Variants in SACS observed in about 807,000 individuals in gnomAD.
SACS encodes the protein sacsin molecular chaperone.
SACS carries 197 observed loss-of-function variants against 348.0 expected under a neutral mutation model. That is an observed-to-expected ratio of 0.57 (90% CI 0.50 to 0.64). The LOEUF is 0.64. SACS is among the 30% of genes least tolerant of loss of function. The pLI is 0.00. For missense variants in SACS, 4,999 were observed against 5,360.8 expected (o/e 0.93, Z 2.11); for synonymous variants, 1,985 against 1,910.6 (o/e 1.04, Z -1.02).
At chr13:23,395,576 G>C (rs1872683060) in intron 2 of SACS, among the ~76,000 whole-genome samples, 1 of 151,132 alleles carries the variant, frequency 6.6e-6, no homozygotes, top group Admixed American at 6.6e-5. Flanking sequence ...TCCCACTCAA[G>C]CCTCCCACCT....
chr13:23,350,818 T>A (rs1176810238), intron 9 of SACS, among the ~76,000 whole-genome samples: 1 of 152,128 alleles, frequency 6.6e-6, no homozygotes, highest in Non-Finnish European at 1.5e-5. Flanking sequence ...ATAGGCCCCA[T>A]ACCACCAGAA....
At chr13:23,409,148 CCAGCTTCA>C (rs1232862926) in intron 2 of SACS, among the ~76,000 whole-genome samples, 1 of 133,046 alleles carries the variant, frequency 7.5e-6, no homozygotes, top group African/African-American at 2.8e-5. Flanking sequence ...GCTCCGCCTC[CCAGCTTCA>C]CACCATTCTC....
chr13:23,417,364 G>A (rs1873728029), intron 1 of SACS, among the ~76,000 whole-genome samples: 1 of 152,146 alleles, frequency 6.6e-6, no homozygotes, highest in African/African-American at 2.4e-5. Flanking sequence ...AAGAAGAAGA[G>A]GGAAGACTTG....
intron 6 of SACS, among the ~76,000 whole-genome samples, chr13:23,363,639 C>A (rs547886870): frequency 1.3e-5 from 2 of 152,298 alleles, no homozygotes; most frequent in African/African-American, 4.8e-5. Flanking sequence ...GAAGTCAAGG[C>A]TAGAAGCAAA....
At chr13:23,395,583 AC>A (rs1872683507) in intron 2 of SACS, among the ~76,000 whole-genome samples, 1 of 142,942 alleles carries the variant, frequency 7.0e-6, no homozygotes. Context: ...CAAGCCTCCC[AC>A]CTCCCTACAA....
At chr13:23,377,064 T>C (rs570820854) in intron 2 of SACS, among the ~76,000 whole-genome samples, 142 of 152,280 alleles carry the variant, frequency 9.3e-4, no homozygotes, top group Non-Finnish European at 1.7e-3. Flanking sequence ...TGTTGTATGA[T>C]TCCATTTATA....
chr13:23,400,451 C>T (rs181415849), intron 2 of SACS, among the ~76,000 whole-genome samples: 4 of 152,168 alleles, frequency 2.6e-5, no homozygotes, highest in Admixed American at 6.5e-5. Context: ...GAAGGGGTCT[C>T]GCTCTGTCAC....
Position 23,337,329 on chromosome 13 carries a change from G to C in SACS, c.6547C>G (p.Leu2183Val). The change falls in exon 10 of 10, where the codon CTA (leucine) becomes GTA (valine). Residue 2183 changes from leucine to valine, a missense_variant. Coordinates refer to ENST00000382292, the MANE Select transcript of SACS (RefSeq NM_014363.6). ...INKSDHVAAC[L>V]RSSILLSLID... is the part of the protein sequence containing the mutation. ...AGACTCAATAAGATACTACTTCTTA[G>C]GCATGCAGCAACATGATCACTTTTA... The C allele has an allele frequency of 1.2e-6, 2 of 1,613,772 alleles. No homozygotes were observed. The highest frequency in any genetic ancestry group is 1.7e-6 in the Non-Finnish European group (2 of 1,179,870).
In SACS at chr13:23,331,034, G is replaced by A. The variant is rs761098842; in HGVS notation, c.12842C>T (p.Ser4281Phe). 2 of 1,614,112 alleles carry A rather than the reference G, an allele frequency of 1.2e-6. No individual in the cohort carries two copies. The highest frequency in any genetic ancestry group is 2.2e-5 in the East Asian group (1 of 44,872). ...PGLRSIPPLFSGRESHKTSSK... is the reference protein window; with the variant it reads ...PGLRSIPPLFFGRESHKTSSK... ...AGAAGTCTTGTGGCTCTCTCTACCA[G>A]AGAAAAGAGGAGGAATGCTTCTCAG... Residue 4281 changes from serine to phenylalanine, a missense_variant, in exon 10 of 10, where the codon TCT (serine) becomes TTT (phenylalanine). Around this residue, in one of 6 missense-constraint regions of SACS, gnomAD observed 831 missense variants for 941.8 expected, o/e 0.88. Transcript: ENST00000382292.
chr13:23,356,991 A>AC (rs1389495930), intron 7 of SACS, among the ~76,000 whole-genome samples: 1 of 152,180 alleles, frequency 6.6e-6, no homozygotes, highest in Non-Finnish European at 1.5e-5. Flanking sequence ...ACAGAGTCGC[A>AC]CCCCCATGAA....
chr13:23,421,371 G>T (rs1481187327), intron 1 of SACS, among the ~76,000 whole-genome samples: 2 of 152,032 alleles, frequency 1.3e-5, no homozygotes, highest in Non-Finnish European at 2.9e-5. Flanking sequence ...TAGTTTCCCT[G>T]TGGAGTGTGC....
At chr13:23,432,041 T>C (rs918369249) in intron 1 of SACS, among the ~76,000 whole-genome samples, 3 of 152,204 alleles carry the variant, frequency 2.0e-5, no homozygotes, top group Non-Finnish European at 4.4e-5. Flanking sequence ...AAGTGAATAA[T>C]TGTGTCATCT....
rs923118368 is a variant in SACS at position 23,341,453 on chromosome 13, A to G, written c.2423T>C (p.Leu808Pro). Residue 808 changes from leucine to proline, a missense_variant, in exon 10 of 10, where the codon CTA becomes CCA. Around this residue, in one of 6 missense-constraint regions of SACS, gnomAD observed 3,156 missense variants for 3,380.1 expected, o/e 0.93. Coordinates refer to ENST00000382292, the MANE Select transcript of SACS (RefSeq NM_014363.6). ...DEMPLIPRTI[L>P]EEGQTCVELI... ...TTCCACACATGTCTGACCTTCCTCT[A>G]GTATAGTTCTGGGGATAAGTGGCAT... The G allele has an allele frequency of 7.4e-6, 12 of 1,613,948 alleles. No individual in the cohort carries two copies. In the African/African-American group the frequency reaches 1.5e-4, roughly 20 times the overall value.
chr13:23,330,353 T>G lies in SACS; in HGVS notation c.13523A>C (p.Lys4508Thr). The change falls in exon 10 of 10, where the codon AAA (lysine) becomes ACA (threonine). Residue 4508 changes from lysine (K) to threonine (T), a missense_variant. Lys to Thr is a moderately conservative substitution (Grantham distance 78). Coordinates refer to ENST00000382292, the MANE Select transcript of SACS (RefSeq NM_014363.6). ...KDVKPTALAQKIEEYSQQLEG... is the reference protein window; with the variant it reads ...KDVKPTALAQTIEEYSQQLEG... ...AAGTTGCTGACTATATTCCTCTATT[T>G]TCTGAGCAAGTGCAGTTGGTTTTAC... is the stretch of plus-strand genomic sequence containing the variant. The G allele has an allele frequency of 2.5e-6, 4 of 1,614,176 alleles. No homozygotes were observed. The highest frequency in any genetic ancestry group is 3.4e-6 in the Non-Finnish European group (4 of 1,180,020).
rs769239148 is a variant in SACS, at chr13:23,336,371, C to T, written c.7505G>A (p.Arg2502Gln). 3 of 1,613,934 alleles carry T rather than the reference C, an allele frequency of 1.9e-6. No individual in the cohort carries two copies. The highest frequency in any genetic ancestry group is 1.3e-5 in the African/African-American group (1 of 74,940). Residue 2502 changes from arginine to glutamine, a missense_variant, in exon 10 of 10, where the codon CGA becomes CAA. Arg to Gln is a conservative substitution (Grantham distance 43). Around this residue, in one of 6 missense-constraint regions of SACS, gnomAD observed 3,156 missense variants for 3,380.1 expected, o/e 0.93. Coordinates refer to ENST00000382292, the MANE Select transcript of SACS (RefSeq NM_014363.6). ...TGCATATCTTTCTAAGGCTTTGTGT[C>T]GCTTTGGGACTGCTCCTAGTTTTAC... is the stretch of plus-strand genomic sequence containing the variant. The part of the protein sequence containing the change: ...VAVKLGAVPK[R>Q]HKALERYASN...
chr13:23,366,216 GT>G (rs946917644), intron 5 of SACS, among the ~76,000 whole-genome samples: 2 of 152,200 alleles, frequency 1.3e-5, no homozygotes, highest in Non-Finnish European at 2.9e-5. Flanking sequence ...CTACATCAGA[GT>G]AGAGAGGTGG....
intron 1 of SACS, among the ~76,000 whole-genome samples, chr13:23,416,757 A>C (rs1241329721): frequency 6.6e-6 from 1 of 151,994 alleles, no homozygotes; most frequent in Non-Finnish European, 1.5e-5. Context: ...CCATCTTAAA[A>C]AAAAAAAAAA....
intron 1 of SACS, among the ~76,000 whole-genome samples, chr13:23,419,668 T>C (rs947788643): frequency 3.3e-5 from 5 of 152,178 alleles, no homozygotes; most frequent in African/African-American, 9.7e-5. Flanking sequence ...AAGCCTGTGG[T>C]GGGTCTTGCT....
chr13:23,336,239 A>C lies in SACS; in HGVS notation c.7637T>G (p.Leu2546Trp). ...ATCAGCATTTTGAAGAAGCTCTTTC[A>C]ACATTTCCTTTTCAGAAGGATATGC... ...LNAYPSEKEM[L>W]KELLQNADDA... is the part of the protein sequence containing the mutation. Residue 2546 changes from leucine to tryptophan, a missense_variant, in exon 10 of 10, where the codon TTG (leucine) becomes TGG (tryptophan). By Grantham distance (61) the Leu-to-Trp change is moderately conservative (BLOSUM62 -2). Around this residue, in one of 6 missense-constraint regions of SACS, gnomAD observed 3,156 missense variants for 3,380.1 expected, o/e 0.93. Transcript: ENST00000382292. 6.2e-7 allele frequency: 1 copy of C among 1,614,076 alleles called. No individual in the cohort carries two copies. Among genetic ancestry groups the C allele is most frequent in the Non-Finnish European group, 8.5e-7 (1 of 1,179,954 alleles).
Sources: gnomAD v4.1 joint callset for allele counts (sites outside exome capture counted in the v4.1 genomes callset) on GRCh38, gnomAD v4.1.1 for gene constraint, gnomAD v4.1.1 regional missense constraint, MANE v1.5 for transcripts, NCBI Gene and HGNC (gene_info 2026-07-23, HGNC 2026-07-21) for gene names.